Variants in DMD observed in about 807,000 individuals in gnomAD.
DMD encodes dystrophin.
DMD carries 63 observed loss-of-function variants against 330.1 expected under a neutral mutation model. The ratio of observed to expected loss-of-function variants is 0.19; its 90% CI spans 0.16 to 0.24. The LOEUF is 0.24. Ranked by LOEUF, DMD falls within the 10% of genes least tolerant of loss-of-function variation. The probability of loss-of-function intolerance (pLI) is 1.00; values close to 1 mark genes in which losing one functional copy is unlikely to be tolerated. For missense variants in DMD, 3,344 were observed against 2,684.1 expected, an observed-to-expected ratio of 1.25 and a Z score of -5.43; for synonymous variants, 1,223 against 959.8, an observed-to-expected ratio of 1.27 and a Z score of -5.07.
chrX:32,801,146 G>A lies in DMD; in HGVS notation c.649+8347C>T, dbSNP rs566220777. On this transcript the variant is annotated intron_variant, in intron 7 of 78. Coordinates refer to ENST00000357033, the MANE Select transcript of DMD (RefSeq NM_004006.3). Reference sequence around the variant, plus strand: ...TGAACTAATTTACACTCCCAACAGTGTAAAATCATTCCTATTTCTCCATAT... The same window carrying A: ...TGAACTAATTTACACTCCCAACAGTATAAAATCATTCCTATTTCTCCATAT... Among the ~76,000 whole-genome samples, 4 of 111,696 alleles carry A rather than the reference G, an allele frequency of 3.6e-5. No individual in the cohort carries two copies. In the South Asian group the frequency reaches 1.5e-3, roughly 42 times the overall value.
At chrX:31,932,324 A>T in intron 45 of DMD, 97 bp from the exon 46 acceptor site, 1 of 657,032 alleles carries the variant, frequency 1.5e-6, no homozygotes, top group Non-Finnish European at 2.4e-6. Context: ...CAATTTAAAA[A>T]TAAGCAATTT....
intron 60 of DMD, among the ~76,000 whole-genome samples, chrX:31,411,213 A>T (rs1405585290): frequency 1.8e-5 from 2 of 111,310 alleles, no homozygotes; most frequent in Non-Finnish European, 3.8e-5. Flanking sequence ...TGTAGTAAAG[A>T]AACTTCTCTA....
chrX:33,195,611 A>G (rs1352873002), intron 1 of DMD, among the ~76,000 whole-genome samples: 1 of 111,870 alleles, frequency 8.9e-6, no homozygotes, highest in Non-Finnish European at 1.9e-5. Context: ...AACACGACAG[A>G]TTATATGAAT....
intron 44 of DMD, among the ~76,000 whole-genome samples, chrX:32,108,304 G>A (rs1303702912): frequency 8.9e-6 from 1 of 111,800 alleles, no homozygotes; most frequent in Non-Finnish European, 1.9e-5. Context: ...ATACTATCAG[G>A]TCATTTAAAA....
chrX:31,935,497 G>A (rs1267471427), intron 45 of DMD, among the ~76,000 whole-genome samples: 1 of 111,167 alleles, frequency 9.0e-6, no homozygotes, highest in Non-Finnish European at 1.9e-5. Flanking sequence ...TATAGTACAG[G>A]CATCCTTTAT....
Position 31,743,280 on chromosome X carries a change from A to G in DMD, c.7543-13532T>C, listed in dbSNP as rs747119315. The stretch of plus-strand genomic sequence containing the variant: ...CAAATTAGTTCAGCCACAGTGAAAC[A>G]GTTTGAAGATTTCTCAAAGGACTTA... On this transcript the variant is annotated intron_variant, in intron 51 of 78. Coordinates refer to ENST00000357033, the MANE Select transcript of DMD (RefSeq NM_004006.3). 4.4e-5 allele frequency among the ~76,000 whole-genome samples: 5 copies of G among 113,007 alleles called. No individual in the cohort carries two copies. The East Asian group carries it at 8.4e-4, about 19-fold the overall frequency.
intron 55 of DMD, among the ~76,000 whole-genome samples, chrX:31,600,519 T>G (rs1028333583): frequency 3.0e-5 from 3 of 100,461 alleles, no homozygotes; most frequent in African/African-American, 7.3e-5. Context: ...GGTTTTTTTT[T>G]TTTTTTTTTT....
At chrX:31,233,658 T>C (rs377343336) in intron 63 of DMD, among the ~76,000 whole-genome samples, 1 of 112,166 alleles carries the variant, frequency 8.9e-6, no homozygotes, top group East Asian at 2.8e-4. Context: ...CTCATCTGCT[T>C]TAACCTCATC....
At chrX:33,217,982 G>A (rs1177269844) in intron 1 of DMD, among the ~76,000 whole-genome samples, 1 of 111,166 alleles carries the variant, frequency 9.0e-6, no homozygotes, top group Non-Finnish European at 1.9e-5. Context: ...TAATAGTAGG[G>A]CTGAAAGCAA....
intron 44 of DMD, among the ~76,000 whole-genome samples, chrX:32,059,997 A>T (rs2096211177): frequency 1.8e-5 from 2 of 111,305 alleles, no homozygotes; most frequent in Admixed American, 1.9e-4. Flanking sequence ...GGAGGAAACA[A>T]GTAGTTTGTT....
At chrX:32,277,209 A>G (rs2097393550) in intron 43 of DMD, among the ~76,000 whole-genome samples, 1 of 111,969 alleles carries the variant, frequency 8.9e-6, no homozygotes, top group African/African-American at 3.3e-5. Flanking sequence ...TTATATAATG[A>G]CAAAAGGGTC....
At chrX:32,738,705 C>A (rs1423989234) in intron 7 of DMD, among the ~76,000 whole-genome samples, 1 of 111,482 alleles carries the variant, frequency 9.0e-6, no homozygotes, top group Admixed American at 9.6e-5. Context: ...GTCTGCAGAA[C>A]AGAATTGGAG....
intron 2 of DMD, among the ~76,000 whole-genome samples, chrX:33,002,659 A>C (rs1569548261): frequency 9.1e-6 from 1 of 109,891 alleles, no homozygotes; most frequent in East Asian, 2.9e-4. Flanking sequence ...GGAACAGCCA[A>C]TTTCCCATCT....
intron 67 of DMD, among the ~76,000 whole-genome samples, chrX:31,194,129 G>A (rs980992173): frequency 1.9e-4 from 21 of 110,896 alleles, no homozygotes; most frequent in African/African-American, 6.2e-4. Flanking sequence ...GCAGTGAGCC[G>A]AGATTGCGCC....
intron 76 of DMD, among the ~76,000 whole-genome samples, chrX:31,137,202 G>A (rs1340133781): frequency 1.8e-5 from 2 of 110,867 alleles, no homozygotes; most frequent in African/African-American, 6.6e-5. Context: ...ATATTTTTTA[G>A]TAGAGACAGG....
chrX:31,383,164 C>T (rs2060269346), intron 60 of DMD, among the ~76,000 whole-genome samples: 1 of 111,348 alleles, frequency 9.0e-6, no homozygotes, highest in South Asian at 3.8e-4. Context: ...CCACTGAGCA[C>T]CTTGTGATCC....
chrX:32,632,655 C>A (rs1345642860), intron 11 of DMD, among the ~76,000 whole-genome samples: 1 of 108,274 alleles, frequency 9.2e-6, no homozygotes, highest in Non-Finnish European at 1.9e-5. Flanking sequence ...GGCTTGTACC[C>A]GCTGGAGCTG....
rs145620837 is a variant in DMD at position 32,024,000 on chromosome X, G to A, written c.6439-55486C>T. Among the ~76,000 whole-genome samples the A allele has an allele frequency of 2.5e-3, 275 of 111,331 alleles. 1 individual carries two copies. Among genetic ancestry groups the A allele is most frequent in the Middle Eastern group, 9.3e-3 (2 of 214 alleles). The stretch of plus-strand genomic sequence containing the variant: ...TAGTGGTTACCATGCTCGCTACCTG[G>A]GTGGTGGGATCATTCATATAGCAAA... On this transcript the variant is annotated intron_variant, in intron 44 of 78. Transcript: ENST00000357033.
chrX:31,553,755 G>T (rs1250049603), intron 55 of DMD, among the ~76,000 whole-genome samples: 1 of 112,295 alleles, frequency 8.9e-6, no homozygotes, highest in East Asian at 2.8e-4. Context: ...AATCATACAG[G>T]ATTGTGTGGT....
Sources: allele counts gnomAD v4.1 joint callset (sites outside exome capture counted in the v4.1 genomes callset), GRCh38; gene constraint gnomAD v4.1.1; transcripts MANE v1.5; gene names NCBI Gene and HGNC (gene_info 2026-07-23, HGNC 2026-07-21).